The following WDPCP variants were observed in gnomAD, a reference collection of about 807,000 sequenced individuals.
WDPCP encodes WD repeat containing planar cell polarity effector, also known as WD repeat-containing and planar cell polarity effector protein fritz homolog.
Under a neutral mutation model 93.1 loss-of-function variants are expected in WDPCP, and 71 were observed. The observed-to-expected ratio is 0.76, with a 90% CI of 0.63 to 0.93. The LOEUF (loss-of-function observed/expected upper bound fraction) is 0.93. WDPCP is among the 40% of genes least tolerant of loss of function. The pLI is 0.00. For synonymous variants in WDPCP, 315 were observed against 315.0 expected, an observed-to-expected ratio of 1.00 and a Z score of 0.00; for missense variants, 844 against 887.4, an observed-to-expected ratio of 0.95 and a Z score of 0.62.
intron 10 of WDPCP, among the ~76,000 whole-genome samples, chr2:63,394,421 G>A (rs1408534849): frequency 6.6e-6 from 1 of 151,970 alleles, no homozygotes; most frequent in Non-Finnish European, 1.5e-5. Context: ...AAAAGAGGAT[G>A]CTTATACACT....
At chr2:63,130,130 GT>G (rs1219310172) in intron 17 of WDPCP, among the ~76,000 whole-genome samples, 4 of 151,948 alleles carry the variant, frequency 2.6e-5, no homozygotes, top group Admixed American at 1.3e-4. Flanking sequence ...TAGTTTATCT[GT>G]TTTTTTGTTG....
intron 12 of WDPCP, among the ~76,000 whole-genome samples, chr2:63,339,451 G>C (rs1264146834): frequency 1.3e-5 from 2 of 152,202 alleles, no homozygotes; most frequent in Non-Finnish European, 2.9e-5. Flanking sequence ...GGGATTACAG[G>C]TGTGAGCCAC....
chr2:63,572,825 G>A (rs1480191618), intron 1 of WDPCP, among the ~76,000 whole-genome samples: 1 of 151,054 alleles, frequency 6.6e-6, no homozygotes, highest in Admixed American at 6.6e-5. Context: ...TTTTTCCTTG[G>A]TTCAATGCTT....
intron 12 of WDPCP, among the ~76,000 whole-genome samples, chr2:63,360,604 C>T (rs926247934): frequency 2.0e-5 from 3 of 152,280 alleles, no homozygotes; most frequent in African/African-American, 2.4e-5. Context: ...TACTACTTAG[C>T]GGCGTCTCAG....
chr2:63,492,305 C>T (rs1466295796), intron 2 of WDPCP, among the ~76,000 whole-genome samples: 1 of 151,948 alleles, frequency 6.6e-6, no homozygotes, highest in Non-Finnish European at 1.5e-5. Context: ...ATTCTCCCCC[C>T]CCAAAATTGT....
At chr2:63,332,096 G>A (rs573611876) in intron 12 of WDPCP, among the ~76,000 whole-genome samples, 34 of 150,640 alleles carry the variant, frequency 2.3e-4, no homozygotes, top group African/African-American at 8.0e-4. Flanking sequence ...ATATATATGT[G>A]TGTGTGTGTG....
rs116498097 is a variant in WDPCP at position 63,756,556 on chromosome 2, T to C, written n.308+57066A>G. Among the ~76,000 whole-genome samples, 847 of 152,294 alleles carry C rather than the reference T, an allele frequency of 5.6e-3. 12 individuals are homozygous for C. Among genetic ancestry groups the C allele is most frequent in the African/African-American group, 0.019 (782 of 41,572 alleles). ...GGAGCAGCTGTGTGGGAGTAGAATG[T>C]ACACAAGATATCAAGTTGGGAATCT... On this transcript the variant is annotated intron_variant and non_coding_transcript_variant, in intron 2 of 4. Coordinates refer to the WDPCP transcript ENST00000467687.
chr2:63,728,584 A>T (rs1413865502), intron 2 of WDPCP, among the ~76,000 whole-genome samples: 1 of 152,112 alleles, frequency 6.6e-6, no homozygotes. Context: ...TCTTATGATA[A>T]CCCTAGGAAG....
intron 1 of WDPCP, among the ~76,000 whole-genome samples, chr2:63,581,005 A>T (rs1708459941): frequency 6.6e-6 from 1 of 152,224 alleles, no homozygotes; most frequent in Non-Finnish European, 1.5e-5. Flanking sequence ...AGGGGGCCTT[A>T]GAAGTTCTTT....
chr2:63,231,571 T>C (rs1366124700), intron 14 of WDPCP, among the ~76,000 whole-genome samples: 1 of 151,808 alleles, frequency 6.6e-6, no homozygotes, highest in Non-Finnish European at 1.5e-5. Flanking sequence ...GAGTGAACTG[T>C]CATTCACAAT....
At chr2:63,504,470 A>G (rs6735907) in intron 1 of WDPCP, among the ~76,000 whole-genome samples, 72,312 of 151,320 alleles carry the variant, frequency 0.48, 17,782 homozygotes, top group African/African-American at 0.56. Context: ...ACTCTGAGAG[A>G]CCCTAAACCC....
At chr2:63,705,423 T>C (rs1261936069) in intron 2 of WDPCP, among the ~76,000 whole-genome samples, 1 of 152,204 alleles carries the variant, frequency 6.6e-6, no homozygotes, top group African/African-American at 2.4e-5. Flanking sequence ...CTGCTTTCTC[T>C]TGTGGGCATT....
At chr2:63,534,877 A>T (rs1056348986) in intron 1 of WDPCP, among the ~76,000 whole-genome samples, 22 of 152,182 alleles carry the variant, frequency 1.4e-4, no homozygotes, top group Non-Finnish European at 2.9e-4. Context: ...CAGGCAGGAG[A>T]AAGAAATAAA....
chr2:63,123,007 A>G (rs1669653688), intron 17 of WDPCP, among the ~76,000 whole-genome samples: 1 of 151,194 alleles, frequency 6.6e-6, no homozygotes, highest in South Asian at 2.1e-4. Flanking sequence ...CAACACATGT[A>G]TGTAGGTATG....
intron 2 of WDPCP, among the ~76,000 whole-genome samples, chr2:63,792,195 A>G (rs181062095): frequency 3.3e-5 from 5 of 152,302 alleles, no homozygotes; most frequent in Admixed American, 2.6e-4. Context: ...ATATAAAGAA[A>G]AGAAATTTAA....
At chr2:63,675,078 C>G (rs1220859303) in intron 2 of WDPCP, among the ~76,000 whole-genome samples, 1 of 152,080 alleles carries the variant, frequency 6.6e-6, no homozygotes, top group Non-Finnish European at 1.5e-5. Context: ...TGAACCCCAC[C>G]CCAAACTTCC....
intron 2 of WDPCP, among the ~76,000 whole-genome samples, chr2:63,804,134 T>C (rs1202180458): frequency 6.6e-6 from 1 of 152,154 alleles, no homozygotes; most frequent in Non-Finnish European, 1.5e-5. Flanking sequence ...TCCCTTCGTA[T>C]CTAGAGCAGG....
chr2:63,803,094 C>T (rs577661719), intron 2 of WDPCP, among the ~76,000 whole-genome samples: 1 of 152,280 alleles, frequency 6.6e-6, no homozygotes, highest in African/African-American at 2.4e-5. Context: ...ATCAGAGGAA[C>T]ACATGCCTGC....
chr2:63,170,417 C>T lies in WDPCP; in HGVS notation c.2078+4253G>A, dbSNP rs375173634. ...CCTCCCAAGGAGCTGGGATTACAGA[C>T]ATGTGCCATCACACCAGGCTAATTT... On this transcript the variant is annotated intron_variant, in intron 15 of 17. Transcript: ENST00000272321. 3.7e-4 allele frequency among the ~76,000 whole-genome samples: 56 copies of T among 152,038 alleles called. 1 individual carries two copies. The highest frequency in any genetic ancestry group is 6.8e-3 in the Middle Eastern group (2 of 294).
Sources: gnomAD v4.1 joint callset for allele counts (sites outside exome capture counted in the v4.1 genomes callset) on GRCh38, gnomAD v4.1.1 for gene constraint, MANE v1.5 for transcripts, NCBI Gene and HGNC (gene_info 2026-07-23, HGNC 2026-07-21) for gene names.